CCDC13: variants seen among roughly 807,000 people sequenced by gnomAD.
CCDC13 encodes the protein coiled-coil domain containing 13, also known as coiled-coil domain-containing protein 13.
Under a neutral mutation model 87.3 loss-of-function variants are expected in CCDC13, and 70 were observed. The observed-to-expected ratio is 0.80, with a 90% CI of 0.66 to 0.98. The LOEUF is 0.98. Ranked by LOEUF, CCDC13 falls within the 50% of genes least tolerant of loss-of-function variation. CCDC13 has a pLI of 0.00. For synonymous variants in CCDC13, 317 were observed against 360.3 expected (o/e 0.88, Z 1.36); for missense variants, 842 against 892.0 (o/e 0.94, Z 0.71).
At chr3:42,715,028 A>G (rs1320839258) in intron 13 of CCDC13, among the ~76,000 whole-genome samples, 1 of 152,046 alleles carries the variant, frequency 6.6e-6, no homozygotes, top group Admixed American at 6.6e-5. Context: ...CCGGGGTCCC[A>G]CACCTGTAAT....
chr3:42,710,021 C>A (rs145915879), intron 14 of CCDC13, among the ~76,000 whole-genome samples: 3 of 152,114 alleles, frequency 2.0e-5, no homozygotes, highest in Admixed American at 1.3e-4. Context: ...ACAGCCCTGA[C>A]TCTGCTCGCT....
At chr3:42,723,057 A>G (rs1159944355) in intron 13 of CCDC13, among the ~76,000 whole-genome samples, 1 of 152,092 alleles carries the variant, frequency 6.6e-6, no homozygotes, top group Non-Finnish European at 1.5e-5. Context: ...TCGGCCTCCC[A>G]AAGTGCTGGG....
At chr3:42,771,227 T>C (rs1041205552) in intron 1 of CCDC13, 2 of 152,188 alleles carry the variant, frequency 1.3e-5, no homozygotes, top group African/African-American at 4.8e-5. Context: ...TGCTGTATAA[T>C]TGCAAACTGT....
chr3:42,733,212 CTT>C (rs1698889302), intron 11 of CCDC13, among the ~76,000 whole-genome samples: 1 of 152,360 alleles, frequency 6.6e-6, no homozygotes, highest in African/African-American at 2.4e-5. Context: ...GGGCAGAAAA[CTT>C]TTGAGGCCAG....
chr3:42,721,017 G>A lies in CCDC13; in HGVS notation c.1719-7701C>T, dbSNP rs186149870. The stretch of plus-strand genomic sequence containing the variant: ...ATGCTACAGTAACATTTGGCTTATC[G>A]GGTATAAAAATCATATAGAAAGCAT... On this transcript the variant is annotated intron_variant, in intron 13 of 15. Transcript: ENST00000310232. Among the ~76,000 whole-genome samples, 25 of 152,246 alleles carry A rather than the reference G, an allele frequency of 1.6e-4. 1 individual carries two copies. The highest frequency in any genetic ancestry group is 1.0e-3 in the South Asian group (5 of 4,826).
intron 4 of CCDC13, among the ~76,000 whole-genome samples, 190 bp from the exon 5 acceptor site, chr3:42,752,215 G>A (rs572221682): frequency 6.6e-6 from 1 of 152,262 alleles, no homozygotes; most frequent in South Asian, 2.1e-4. Flanking sequence ...TTGATTGTCT[G>A]ACCCATTCCC....
chr3:42,732,530 T>C (rs1698867616), intron 12 of CCDC13: 1 of 267,740 alleles, frequency 3.7e-6, no homozygotes, highest in South Asian at 5.9e-5. Flanking sequence ...TCTGAGGGGA[T>C]ATCAGTGGGA....
chr3:42,745,672 C>A (rs973424892), intron 7 of CCDC13: 4 of 332,652 alleles, frequency 1.2e-5, no homozygotes, highest in African/African-American at 2.1e-5. Context: ...AAACCAAAGG[C>A]GTTGGCATTT....
chr3:42,727,330 C>T (rs571439047), intron 13 of CCDC13, among the ~76,000 whole-genome samples: 2 of 152,082 alleles, frequency 1.3e-5, no homozygotes, highest in Non-Finnish European at 2.9e-5. Context: ...TGAGATCATG[C>T]CACTGCACGC....
At chr3:42,770,204 A>G (rs1700035695) in intron 1 of CCDC13, among the ~76,000 whole-genome samples, 1 of 152,248 alleles carries the variant, frequency 6.6e-6, no homozygotes, top group Admixed American at 6.5e-5. Flanking sequence ...CTCTGTATCT[A>G]GCTCAAGGTT....
intron 2 of CCDC13, 30 bp downstream of exon 2, chr3:42,758,092 CACA>C: frequency 6.4e-7 from 1 of 1,559,222 alleles, no homozygotes; most frequent in African/African-American, 1.4e-5. Flanking sequence ...CACACACACA[CACA>C]CCCCTGAGAG....
intron 1 of CCDC13, chr3:42,770,843 C>T (rs893304623): frequency 6.5e-6 from 1 of 152,982 alleles, no homozygotes; most frequent in African/African-American, 2.4e-5. Context: ...CAGCTTCACT[C>T]CTGAGCCAGC....
intron 9 of CCDC13, 126 bp downstream of exon 9, chr3:42,739,508 C>T: frequency 1.9e-6 from 2 of 1,065,258 alleles, no homozygotes; most frequent in South Asian, 3.3e-5. Flanking sequence ...CATCTGGAGG[C>T]AACGGGCTTT....
chr3:42,767,551 C>G (rs1184958323), intron 1 of CCDC13, among the ~76,000 whole-genome samples: 2 of 152,150 alleles, frequency 1.3e-5, no homozygotes, highest in African/African-American at 4.8e-5. Flanking sequence ...ATAAAGAAAT[C>G]CCAGCAAATT....
In CCDC13 at chr3:42,708,927, C is replaced by T; in HGVS notation, c.*53G>A. On this transcript the variant is annotated 3_prime_UTR_variant, in exon 16 of 16. Transcript: ENST00000310232. The stretch of plus-strand genomic sequence containing the variant: ...ATGGAGTCCTCAGACAGAGTCTTAT[C>T]CTCTCAAGACCTGAGGCTGCCCACC... 2 of 1,555,344 alleles carry T rather than the reference C, an allele frequency of 1.3e-6. No homozygotes were observed. Among genetic ancestry groups the T allele is most frequent in the Non-Finnish European group, 1.7e-6 (2 of 1,152,646 alleles).
rs749301195 is a variant in CCDC13, at chr3:42,745,974, C to A, written c.774G>T (p.Ser258=). ...GAGCCCGACCCCTCCAGGTCCCTGG[C>A]GAAGATAGGAGCTGCTGAACGTTGA... ...EDINVQQLLS[S]PGTWRGRAQQ... is the part of the protein sequence containing the mutation. The change falls in exon 7 of 16, where the codon TCG becomes TCT. Residue 258 remains serine, a synonymous_variant. Transcript: ENST00000310232. The A allele has an allele frequency of 8.7e-6, 14 of 1,614,142 alleles. 1 individual carries two copies. In the South Asian group the frequency reaches 1.4e-4, roughly 16 times the overall value.
chr3:42,764,685 G>A (rs1215120519), intron 1 of CCDC13, among the ~76,000 whole-genome samples: 5 of 152,086 alleles, frequency 3.3e-5, no homozygotes, highest in Non-Finnish European at 7.4e-5. Flanking sequence ...TCAGAGGCTG[G>A]CTTCAGCCAC....
chr3:42,748,878 C>T (rs563326006), intron 5 of CCDC13, among the ~76,000 whole-genome samples: 2 of 152,286 alleles, frequency 1.3e-5, no homozygotes, highest in South Asian at 4.1e-4. Context: ...GCCTCAGCCT[C>T]CCGAGTAGCT....
At chr3:42,727,677 C>T (rs969683147) in intron 13 of CCDC13, among the ~76,000 whole-genome samples, 11 of 152,070 alleles carry the variant, frequency 7.2e-5, no homozygotes, top group Admixed American at 1.3e-4. Context: ...AAGGCACAAA[C>T]GGAGAAATCA....
Sources: allele counts gnomAD v4.1 joint callset (sites outside exome capture counted in the v4.1 genomes callset), GRCh38; gene constraint gnomAD v4.1.1; transcripts MANE v1.5; gene names NCBI Gene and HGNC (gene_info 2026-07-23, HGNC 2026-07-21).